The following ABHD3 variants were observed in gnomAD, a reference collection of about 807,000 sequenced individuals.
The protein encoded by ABHD3 is abhydrolase domain containing 3, phospholipase, also known as phospholipase ABHD3.
A neutral mutation model predicts 48.8 loss-of-function variants in ABHD3; 46 were observed. The ratio of observed to expected loss-of-function variants is 0.94; its 90% CI spans 0.74 to 1.20. The LOEUF is 1.20. ABHD3 is among the 50% of genes most tolerant of loss of function. ABHD3 has a pLI of 0.00. For missense variants in ABHD3, 490 were observed against 497.8 expected (o/e 0.98, Z 0.15); for synonymous variants, 192 against 183.7 (o/e 1.04, Z -0.36).
At chr18:21,689,432 C>T (rs1238821987) in intron 3 of ABHD3, among the ~76,000 whole-genome samples, 1 of 150,838 alleles carries the variant, frequency 6.6e-6, no homozygotes, top group Admixed American at 6.6e-5. Flanking sequence ...ACCTGTAATC[C>T]CAGCTACTTG....
intron 3 of ABHD3, among the ~76,000 whole-genome samples, chr18:21,687,641 A>AT (rs962691085): frequency 7.9e-5 from 12 of 152,304 alleles, no homozygotes; most frequent in Non-Finnish European, 1.5e-4. Context: ...GAACTATATA[A>AT]TTTTTTTCCC....
intron 3 of ABHD3, 108 bp downstream of exon 3, chr18:21,702,208 T>C: frequency 1.0e-6 from 1 of 987,922 alleles, no homozygotes; most frequent in Non-Finnish European, 1.4e-6. Flanking sequence ...TTTAAGGGAC[T>C]GCTTTTCTAT....
intron 8 of ABHD3, among the ~76,000 whole-genome samples, chr18:21,655,269 G>A (rs971958820): frequency 2.0e-5 from 3 of 151,164 alleles, no homozygotes; most frequent in South Asian, 4.2e-4. Context: ...TGCATTGAGG[G>A]GAAAGAGAGA....
Position 21,659,293 on chromosome 18 carries a change from A to G in ABHD3, c.719T>C (p.Met240Thr), listed in dbSNP as rs765561991. 6.2e-7 allele frequency: 1 copy of G among 1,613,768 alleles called. No homozygotes were observed. The highest frequency in any genetic ancestry group is 8.5e-7 in the Non-Finnish European group (1 of 1,179,908). The change falls in exon 6 of 9, where the codon ATG becomes ACG. Residue 240 changes from methionine (M) to threonine (T), a missense_variant. Transcript: ENST00000289119. ...ACCAACGGAAAAAGTTGCAGCTGCC[A>G]TCAAAGGCGTTTTGGACCCAATTTT... ...LGKIGSKTPL[M>T]AAATFSVGWN...
chr18:21,703,512 T>C (rs1241163301), intron 2 of ABHD3, 72 bp downstream of exon 2: 2 of 1,541,960 alleles, frequency 1.3e-6, no homozygotes, highest in Non-Finnish European at 1.8e-6. Flanking sequence ...AACCAAGAAC[T>C]GGGAATAAGC....
At chr18:21,651,852 T>C (rs2039230253) in intron 8 of ABHD3, 89 bp from the exon 9 acceptor site, 2 of 1,180,696 alleles carry the variant, frequency 1.7e-6, no homozygotes, top group South Asian at 3.4e-5. Flanking sequence ...AGCATATACC[T>C]TTATCATGTC....
chr18:21,683,910 A>T lies in ABHD3; in HGVS notation c.555+10T>A. 3 of 1,587,966 alleles carry T rather than the reference A, an allele frequency of 1.9e-6. No individual in the cohort carries two copies. Among genetic ancestry groups the T allele is most frequent in the Non-Finnish European group, 2.6e-6 (3 of 1,166,436 alleles). On this transcript the variant is annotated intron_variant, in intron 4 of 8. Coordinates refer to ENST00000289119, the MANE Select transcript of ABHD3 (RefSeq NM_138340.5). ...AAAAGTTAAGACTGTTGTCATTTAAATTTACTTACCAAGAGATTCTCCCCC... is the reference window on the plus strand; with the variant it reads ...AAAAGTTAAGACTGTTGTCATTTAATTTTACTTACCAAGAGATTCTCCCCC...
intron 5 of ABHD3, among the ~76,000 whole-genome samples, chr18:21,662,818 G>T (rs2039532988): frequency 6.6e-6 from 1 of 152,186 alleles, no homozygotes; most frequent in African/African-American, 2.4e-5. Flanking sequence ...CTTCAATGCG[G>T]CACGAATAGA....
At chr18:21,671,110 G>C (rs944066764) in intron 4 of ABHD3, among the ~76,000 whole-genome samples, 1 of 152,162 alleles carries the variant, frequency 6.6e-6, no homozygotes, top group Non-Finnish European at 1.5e-5. Context: ...TGTCCAGCCT[G>C]CTCCATGCCC....
intron 6 of ABHD3, among the ~76,000 whole-genome samples, 184 bp downstream of exon 6, chr18:21,658,986 A>C (rs2039419835): frequency 6.6e-6 from 1 of 151,956 alleles, no homozygotes; most frequent in Non-Finnish European, 1.5e-5. Context: ...CTACAGGCAC[A>C]CATCACCACG....
intron 5 of ABHD3, among the ~76,000 whole-genome samples, chr18:21,660,233 G>C (rs568671817): frequency 1.4e-5 from 2 of 147,302 alleles, no homozygotes; most frequent in South Asian, 4.3e-4. Context: ...AATGACTACT[G>C]ATGTCTAGGT....
chr18:21,657,295 A>T, intron 6 of ABHD3, 143 bp from the exon 7 acceptor site: 1 of 662,806 alleles, frequency 1.5e-6, no homozygotes, highest in Non-Finnish European at 2.5e-6. Flanking sequence ...CAGGTACGGC[A>T]GGATTAGAAT....
In ABHD3 at chr18:21,704,555, G is replaced by T. The variant is rs1325256133; in HGVS notation, c.111C>A (p.Ile37=). 9 of 1,529,936 alleles carry T rather than the reference G, an allele frequency of 5.9e-6. No homozygotes were observed. The highest frequency in any genetic ancestry group is 7.9e-6 in the Non-Finnish European group (9 of 1,140,320). 94.8% of individuals were successfully genotyped at this position (1,529,936 alleles called of 1,614,324 possible). Residue 37 remains isoleucine, a synonymous_variant, in exon 1 of 9, where the codon ATC becomes ATA. Coordinates refer to ENST00000289119, the MANE Select transcript of ABHD3 (RefSeq NM_138340.5). ...FFGSGVGLSL[I]LGFSVAYAFY... ...AGGCATAAGCGACGCTGAAGCCCAG[G>T]ATAAGGGATAAGCCCACCCCCGAGC...
intron 4 of ABHD3, among the ~76,000 whole-genome samples, chr18:21,667,080 T>G (rs2039648194): frequency 9.5e-6 from 1 of 105,710 alleles, no homozygotes; most frequent in Non-Finnish European, 1.7e-5. Context: ...AAATTACATT[T>G]TTTTTTTTTT....
chr18:21,651,067 T>G lies in ABHD3; in HGVS notation c.*524A>C, dbSNP rs1379026661. On this transcript the variant is annotated 3_prime_UTR_variant, in exon 9 of 9. Transcript: ENST00000289119. The stretch of plus-strand genomic sequence containing the variant: ...AGAAGTCAGTCTAACTTTGTTGCAC[T>G]TGTCTTTTAAAGTTAGAATACATAA... 6.6e-6 allele frequency: 1 copy of G among 152,196 alleles called. No individual in the cohort carries two copies. Among genetic ancestry groups the G allele is most frequent in the African/African-American group, 2.4e-5 (1 of 41,456 alleles). The allele number at this position is 152,196 out of a possible 1,614,324, so 9.4% of individuals were successfully genotyped here.
intron 3 of ABHD3, among the ~76,000 whole-genome samples, chr18:21,689,574 A>AAAAAAC (rs1555681996): frequency 8.7e-5 from 13 of 148,708 alleles, no homozygotes; most frequent in African/African-American, 3.2e-4. Flanking sequence ...AAAAAAAAAA[A>AAAAAAC]GGGAAATGCT....
intron 3 of ABHD3, chr18:21,702,099 G>T: frequency 2.3e-6 from 1 of 433,288 alleles, no homozygotes; most frequent in Non-Finnish European, 4.1e-6. Flanking sequence ...TAAATCTGCA[G>T]AGTGTCTACT....
intron 4 of ABHD3, among the ~76,000 whole-genome samples, chr18:21,674,706 A>C (rs2039836612): frequency 6.6e-6 from 1 of 152,162 alleles, no homozygotes; most frequent in African/African-American, 2.4e-5. Context: ...GGAACAGGTT[A>C]TTTTTGAAGC....
intron 8 of ABHD3, among the ~76,000 whole-genome samples, chr18:21,652,468 GAGAA>G (rs1006610553): frequency 2.6e-5 from 4 of 151,912 alleles, no homozygotes; most frequent in South Asian, 2.1e-4. Context: ...AAAGGAAAGA[GAGAA>G]AGAAAAAAGA....
Sources: gnomAD v4.1 joint callset for allele counts (sites outside exome capture counted in the v4.1 genomes callset) on GRCh38, gnomAD v4.1.1 for gene constraint, MANE v1.5 for transcripts, NCBI Gene and HGNC (gene_info 2026-07-23, HGNC 2026-07-21) for gene names.